Variants in CFAP47 observed in about 807,000 individuals in gnomAD.
CFAP47 encodes the protein cilia- and flagella-associated protein 47.
Under a neutral mutation model 148.1 loss-of-function variants are expected in CFAP47, and 29 were observed. That is an observed-to-expected ratio of 0.20 (90% CI 0.15 to 0.27). CFAP47 has a LOEUF of 0.27. CFAP47 is among the 10% of genes least tolerant of loss of function. The pLI, the probability that CFAP47 is intolerant of heterozygous loss-of-function variation, is 1.00. For missense variants in CFAP47, 1,872 were observed against 1,697.5 expected (o/e 1.10, Z -1.81); for synonymous variants, 664 against 577.3 (o/e 1.15, Z -2.15).
chrX:36,151,201 A>G (rs1434147327), intron 37 of CFAP47, among the ~76,000 whole-genome samples: 3 of 112,180 alleles, frequency 2.7e-5, no homozygotes, highest in African/African-American at 9.7e-5. Flanking sequence ...TATTTTTATT[A>G]TAAATGTGCA....
At chrX:36,221,116 T>C (rs1358136683) in intron 45 of CFAP47, among the ~76,000 whole-genome samples, 1 of 111,551 alleles carries the variant, frequency 9.0e-6, no homozygotes, top group Non-Finnish European at 1.9e-5. Context: ...GAAGAGAGAA[T>C]TGGGATCCAA....
At chrX:36,017,450 A>C in intron 22 of CFAP47, among the ~76,000 whole-genome samples, 1 of 112,318 alleles carries the variant, frequency 8.9e-6, no homozygotes, top group Admixed American at 9.4e-5. Context: ...ATTATTCAAG[A>C]AATTTTTGCC....
intron 33 of CFAP47, among the ~76,000 whole-genome samples, chrX:36,127,658 C>T (rs1362537081): frequency 1.8e-5 from 2 of 111,302 alleles, no homozygotes; most frequent in East Asian, 5.7e-4. Context: ...GATGGGGTGG[C>T]ATCGAATCTG....
Position 36,307,752 on chromosome X carries a change from G to A in CFAP47, c.8187+876G>A, listed in dbSNP as rs1273930624. ...ACAGGCGTCTCCATGTCAGTACAGG[G>A]CCTATGGGTAGCTGAAGTATCTTCA... On this transcript the variant is annotated intron_variant, in intron 55 of 63. Transcript: ENST00000378653. Among the ~76,000 whole-genome samples, 5 of 110,541 alleles carry A rather than the reference G, an allele frequency of 4.5e-5. No individual in the cohort carries two copies. In the East Asian group the frequency reaches 1.4e-3, roughly 31 times the overall value.
chrX:35,941,979 G>A (rs760685975), intron 3 of CFAP47, among the ~76,000 whole-genome samples: 2 of 110,553 alleles, frequency 1.8e-5, no homozygotes, highest in South Asian at 7.6e-4. Flanking sequence ...ATTATTTCCA[G>A]GGATTCTTAC....
intron 30 of CFAP47, among the ~76,000 whole-genome samples, chrX:36,089,853 TA>T (rs888138117): frequency 9.8e-5 from 11 of 111,786 alleles, no homozygotes; most frequent in Admixed American, 5.7e-4. Flanking sequence ...GAATTAGAAA[TA>T]ATATAACGTG....
chrX:36,357,926 G>A (rs1941798317), intron 60 of CFAP47, among the ~76,000 whole-genome samples: 1 of 111,283 alleles, frequency 9.0e-6, no homozygotes, highest in African/African-American at 3.3e-5. Context: ...GTGATGTTCT[G>A]ATTTATGTGA....
intron 42 of CFAP47, among the ~76,000 whole-genome samples, chrX:36,197,212 TTAA>T (rs1423929492): frequency 8.9e-6 from 1 of 112,045 alleles, no homozygotes; most frequent in Non-Finnish European, 1.9e-5. Flanking sequence ...GGAGTCCTAG[TTAA>T]TAATATTTTA....
intron 27 of CFAP47, among the ~76,000 whole-genome samples, chrX:36,067,549 A>G (rs1937659212): frequency 1.8e-5 from 2 of 111,393 alleles, no homozygotes; most frequent in South Asian, 3.8e-4. Context: ...CAAACATTCA[A>G]GCTGCCATAA....
intron 8 of CFAP47, among the ~76,000 whole-genome samples, chrX:35,959,622 T>A (rs1227321291): frequency 9.0e-6 from 1 of 111,100 alleles, no homozygotes; most frequent in Non-Finnish European, 1.9e-5. Flanking sequence ...GCCTGACCAA[T>A]GTGGTGAAAC....
chrX:36,349,464 T>C (rs1007319496), intron 58 of CFAP47, among the ~76,000 whole-genome samples: 4 of 111,171 alleles, frequency 3.6e-5, no homozygotes, highest in Non-Finnish European at 5.7e-5. Context: ...GTTTTCACCA[T>C]GTTTGCCAGG....
intron 40 of CFAP47, among the ~76,000 whole-genome samples, chrX:36,181,050 C>T (rs1939744177): frequency 1.8e-5 from 2 of 111,645 alleles, no homozygotes; most frequent in East Asian, 2.8e-4. Flanking sequence ...GTAGATTTTG[C>T]CTGAATGGAC....
intron 25 of CFAP47, among the ~76,000 whole-genome samples, chrX:36,040,794 C>G (rs1034456314): frequency 1.8e-5 from 2 of 111,200 alleles, no homozygotes; most frequent in African/African-American, 3.3e-5. Context: ...GTGTATAATA[C>G]AATCAAGTAC....
intron 21 of CFAP47, among the ~76,000 whole-genome samples, chrX:36,014,037 T>C (rs1263223608): frequency 8.9e-6 from 1 of 112,194 alleles, no homozygotes; most frequent in African/African-American, 3.2e-5. Context: ...TTTTTCAAAG[T>C]AACTATAAAA....
chrX:36,338,553 C>T (rs369342410), intron 57 of CFAP47, among the ~76,000 whole-genome samples: 1 of 111,824 alleles, frequency 8.9e-6, no homozygotes, highest in Non-Finnish European at 1.9e-5. Flanking sequence ...GTTTTGGAAA[C>T]AGTTGATCCC....
At chrX:35,927,067 A>G (rs895569634) in intron 2 of CFAP47, among the ~76,000 whole-genome samples, 6 of 109,145 alleles carry the variant, frequency 5.5e-5, no homozygotes, top group African/African-American at 2.0e-4. Flanking sequence ...AGGCAAGAGG[A>G]TCACTTAAAC....
intron 57 of CFAP47, among the ~76,000 whole-genome samples, chrX:36,321,034 A>C (rs1941474485): frequency 8.9e-6 from 1 of 111,879 alleles, no homozygotes; most frequent in Non-Finnish European, 1.9e-5. Context: ...TAGGTATATA[A>C]CCTTAAGAAA....
At chrX:35,950,212 T>A (rs1351018660) in intron 4 of CFAP47, among the ~76,000 whole-genome samples, 4 of 111,497 alleles carry the variant, frequency 3.6e-5, no homozygotes, top group Non-Finnish European at 7.5e-5. Context: ...TGTGGAGTAG[T>A]CAGTTATCTG....
intron 52 of CFAP47, among the ~76,000 whole-genome samples, chrX:36,299,577 A>G (rs782367188): frequency 4.8e-4 from 54 of 111,944 alleles, no homozygotes; most frequent in Middle Eastern, 4.2e-3. Flanking sequence ...AATTACAGTC[A>G]TAATGTCCTA....
Sources: gnomAD v4.1 joint callset for allele counts (sites outside exome capture counted in the v4.1 genomes callset) on GRCh38, gnomAD v4.1.1 for gene constraint, MANE v1.5 for transcripts, NCBI Gene and HGNC (gene_info 2026-07-23, HGNC 2026-07-21) for gene names.